The following SLC12A5 variants were observed in gnomAD, a reference collection of about 807,000 sequenced individuals.
SLC12A5 encodes solute carrier family 12 member 5.
Under a neutral mutation model 124.0 loss-of-function variants are expected in SLC12A5, and 18 were observed. That is an observed-to-expected ratio of 0.15 (90% confidence interval 0.10 to 0.22). SLC12A5 has a LOEUF of 0.22. Ranked by LOEUF, SLC12A5 falls within the 10% of genes least tolerant of loss-of-function variation. The probability of loss-of-function intolerance (pLI) is 1.00; values close to 1 mark genes in which losing one functional copy is unlikely to be tolerated. For synonymous variants in SLC12A5, 589 were observed against 568.0 expected, an observed-to-expected ratio of 1.04 and a Z score of -0.53; for missense variants, 867 against 1,478.7, an observed-to-expected ratio of 0.59 and a Z score of 6.78.
intron 4 of SLC12A5, chr20:46,036,124 C>T: frequency 1.8e-6 from 1 of 555,604 alleles, no homozygotes; most frequent in Non-Finnish European, 3.0e-6. Context: ...CCAGGTTTCA[C>T]CTGGATCTCT....
Position 46,058,249 on chromosome 20 carries a change from C to G in SLC12A5, c.*644C>G, listed in dbSNP as rs1425669068. 2 of 389,044 alleles carry G rather than the reference C, an allele frequency of 5.1e-6. No homozygotes were observed. Among genetic ancestry groups the G allele is most frequent in the Admixed American group, 4.5e-5 (1 of 22,426 alleles). 24.1% of individuals were successfully genotyped at this position (389,044 alleles called of 1,614,324 possible). A position where few individuals can be genotyped will look rare whatever the true frequency, so the allele number is the denominator to read the frequency against. On this transcript the variant is annotated 3_prime_UTR_variant, in exon 26 of 26. Coordinates refer to ENST00000243964, the MANE Select transcript of SLC12A5 (RefSeq NM_020708.5). The surrounding 1 kb of genome is among the most constrained non-coding windows in gnomAD (Gnocchi z 5.8). ...TGCGGGGAGGCGAGGCCTCGGGAAG[C>G]TGAATTTTCCTTGACGTCCAAGAGT...
rs917149650 is a variant in SLC12A5, at chr20:46,045,210, T to C, written c.1569+70T>C. 6.7e-6 allele frequency: 10 copies of C among 1,494,292 alleles called. No individual in the cohort carries two copies. Among genetic ancestry groups the C allele is most frequent in the Admixed American group, 2.2e-5 (1 of 45,622 alleles). The allele number at this position is 1,494,292 out of a possible 1,614,324, so 92.6% of individuals were successfully genotyped here. A position where few individuals can be genotyped will look rare whatever the true frequency, so the allele number is the denominator to read the frequency against. ...GCCCCTGCCCAGAGAGACCACACAG[T>C]GACCCAGGGCCATAACCAGCCTTAG... is the stretch of plus-strand genomic sequence containing the variant. On this transcript the variant is annotated intron_variant, in intron 12 of 25. Transcript: ENST00000243964. This position sits in a 1 kb window ranked among gnomAD's most constrained non-coding sequence, Gnocchi z 4.9.
rs1233739215 is a variant in SLC12A5 at position 46,040,495 on chromosome 20, G to T, written c.735G>T (p.Val245=). Residue 245 remains valine, a synonymous_variant, in exon 7 of 26, where the codon GTG becomes GTT. Coordinates refer to ENST00000243964, the MANE Select transcript of SLC12A5 (RefSeq NM_020708.5). ...TGCTCACCTGCATGGCCACTGTGGT[G>T]TTTGTGGGTGTCAAGTATGTCAACA... The part of the protein sequence containing the change: ...TCVLTCMATV[V]FVGVKYVNKF... The T allele has an allele frequency of 6.2e-7, 1 of 1,614,240 alleles. No homozygotes were observed.
In SLC12A5 at chr20:46,040,257, T is replaced by C. The variant is rs144504447; in HGVS notation, c.613-116T>C. On this transcript the variant is annotated intron_variant, in intron 6 of 25. Coordinates refer to ENST00000243964, the MANE Select transcript of SLC12A5 (RefSeq NM_020708.5). ...GATTCTCCTATTACTGGATGTCTTTTCCAGTCTGGTACCACTGTGACTGTG... is the reference window on the plus strand; with the variant it reads ...GATTCTCCTATTACTGGATGTCTTTCCCAGTCTGGTACCACTGTGACTGTG... The C allele has an allele frequency of 3.9e-4, 569 of 1,455,654 alleles. 5 individuals carry two copies. In the East Asian group the frequency reaches 0.01, roughly 26 times the overall value. 90.2% of individuals were successfully genotyped at this position (1,455,654 alleles called of 1,614,324 possible).
intron 1 of SLC12A5, among the ~76,000 whole-genome samples, chr20:46,030,373 C>A (rs1437111154): frequency 6.6e-6 from 1 of 152,216 alleles, no homozygotes; most frequent in East Asian, 1.9e-4. Context: ...GGGCTTGGGA[C>A]AAGTCCTTTC....
intron 18 of SLC12A5, 92 bp downstream of exon 18, chr20:46,051,962 G>A (rs2084650896): frequency 8.7e-7 from 1 of 1,146,508 alleles, no homozygotes; most frequent in African/African-American, 1.6e-5. Context: ...GGCCTGAGGG[G>A]TTTCCCAAGC....
chr20:46,021,751 G>A (rs1378089849), upstream of SLC12A5: 39 of 1,533,886 alleles, frequency 2.5e-5, no homozygotes, highest in Non-Finnish European at 3.3e-5. Context: ...CGGCCGCCTG[G>A]CTCCTTTCCG....
At chr20:46,046,272 T>C (rs2084594750) in intron 13 of SLC12A5, 66 bp from the exon 14 acceptor site, 2 of 1,391,132 alleles carry the variant, frequency 1.4e-6, no homozygotes, top group Admixed American at 1.7e-5. Context: ...TCTCTGCCCA[T>C]GCTGTTGTTT....
chr20:46,035,490 T>C lies in SLC12A5; in HGVS notation c.234T>C (p.His78=). The change falls in exon 3 of 26, where the codon CAT becomes CAC. Residue 78 remains histidine (H), a synonymous_variant. Transcript: ENST00000243964. ...YTNLPQGSRE[H]EEAENNEGGK... is the part of the protein sequence containing the mutation. ...ACCTGCCCCAGGGAAGTAGGGAGCA[T>C]GAAGAGGCAGAAAACAATGAGGGTG... 6.2e-7 allele frequency: 1 copy of C among 1,609,516 alleles called. No individual in the cohort carries two copies. The highest frequency in any genetic ancestry group is 1.7e-4 in the Middle Eastern group (1 of 6,054).
At chr20:46,029,524 A>G (rs2084426808) in intron 1 of SLC12A5, 128 bp downstream of exon 1, 5 of 1,019,828 alleles carry the variant, frequency 4.9e-6, no homozygotes, top group Non-Finnish European at 5.6e-6. Context: ...GGTGGGCGCC[A>G]GTTGCAGCCT....
At chr20:46,050,652 CAGTTCCATTCA>C (rs1600602966) in intron 17 of SLC12A5, among the ~76,000 whole-genome samples, 1 of 152,196 alleles carries the variant, frequency 6.6e-6, no homozygotes. Flanking sequence ...CTTGACTGGT[CAGTTCCATTCA>C]ACACGCGGTG....
At chr20:46,048,180 G>A (rs2084615029) in intron 16 of SLC12A5, 95 bp downstream of exon 16, 2 of 1,166,124 alleles carry the variant, frequency 1.7e-6, no homozygotes, top group Non-Finnish European at 1.2e-6. Context: ...GACTTATCCT[G>A]CTTGCTTTGT....
At chr20:46,048,654 T>C (rs1361134772) in intron 16 of SLC12A5, among the ~76,000 whole-genome samples, 1 of 152,104 alleles carries the variant, frequency 6.6e-6, no homozygotes, top group Non-Finnish European at 1.5e-5. Context: ...GTGGATCACT[T>C]GAGGCCAGGG....
At chr20:46,036,936 T>G (rs1442250215) in intron 5 of SLC12A5, 141 bp downstream of exon 5, 19 of 1,134,526 alleles carry the variant, frequency 1.7e-5, no homozygotes, top group Non-Finnish European at 2.4e-5. Context: ...TCAGCCCTAT[T>G]GGGGGCAGAG....
At chr20:46,027,396 G>C (rs898682660), upstream of SLC12A5, among the ~76,000 whole-genome samples, 2 of 152,184 alleles carry the variant, frequency 1.3e-5, no homozygotes, top group Non-Finnish European at 2.9e-5. Flanking sequence ...CCAATCTGAA[G>C]CCACTGACAA....
At chr20:46,038,567 T>C (rs1568860210) in intron 6 of SLC12A5, among the ~76,000 whole-genome samples, 2 of 152,224 alleles carry the variant, frequency 1.3e-5, no homozygotes, top group Non-Finnish European at 2.9e-5. Flanking sequence ...AACCTTGGTC[T>C]TTCTGACTTC....
rs763190108 is a variant in SLC12A5 at position 46,044,954 on chromosome 20, A to G, written c.1395-12A>G. The stretch of plus-strand genomic sequence containing the variant: ...ACTGCTCACCTGGCATCTCCTGTCC[A>G]CATCATTCCAGGTTTGGCGAAGCTG... On this transcript the variant is annotated splice_polypyrimidine_tract_variant and intron_variant, in intron 11 of 25. Transcript: ENST00000243964. 3.1e-6 allele frequency: 5 copies of G among 1,614,044 alleles called. No individual in the cohort carries two copies. The highest frequency in any genetic ancestry group is 2.5e-6 in the Non-Finnish European group (3 of 1,180,016).
chr20:46,055,665 C>T (rs1294580808), intron 21 of SLC12A5, among the ~76,000 whole-genome samples: 1 of 152,004 alleles, frequency 6.6e-6, no homozygotes, highest in Non-Finnish European at 1.5e-5. Flanking sequence ...GAATGGGTGG[C>T]AATCCTACAC....
rs16989622 is a variant in SLC12A5 at position 46,059,289 on chromosome 20, C to CAGAGCT, written c.*1685_*1690dup. 0.15 allele frequency: 47,804 copies of CAGAGCT among 328,404 alleles called. 4,218 individuals carry two copies. Among genetic ancestry groups the CAGAGCT allele is most frequent in the Non-Finnish European group, 0.18 (32,922 of 182,220 alleles). 20.3% of individuals were successfully genotyped at this position (328,404 alleles called of 1,614,324 possible). A position where few individuals can be genotyped will look rare whatever the true frequency, so the allele number is the denominator to read the frequency against. The stretch of plus-strand genomic sequence containing the variant: ...CACCTCTTTTCCTTTGAGCCCAAGG[C>CAGAGCT]AGAGCTGGAGCTGGCGCCACCCAGA... On this transcript the variant is annotated 3_prime_UTR_variant, in exon 26 of 26. Transcript: ENST00000243964.
Sources: allele counts gnomAD v4.1 joint callset (sites outside exome capture counted in the v4.1 genomes callset), GRCh38; gene constraint gnomAD v4.1.1; non-coding constraint Gnocchi (gnomAD v3.1); transcripts MANE v1.5; gene names NCBI Gene and HGNC (gene_info 2026-07-23, HGNC 2026-07-21).